The following DISP1 variants were observed in gnomAD, a reference collection of about 807,000 sequenced individuals.
DISP1 encodes protein dispatched homolog 1.
Under a neutral mutation model 37.3 loss-of-function variants are expected in DISP1, and 30 were observed. That is an observed-to-expected ratio of 0.80 (90% CI 0.60 to 1.09). The LOEUF (loss-of-function observed/expected upper bound fraction) is 1.09, where lower values mean the gene tolerates loss of function less well. Ranked by LOEUF, DISP1 falls within the 50% of genes least tolerant of loss-of-function variation. The pLI is 0.00. For synonymous variants in DISP1, 634 were observed against 690.2 expected (o/e 0.92, Z 1.28); for missense variants, 1,598 against 1,879.5 (o/e 0.85, Z 2.77).
At chr1:222,841,786 A>G (rs546081920) in intron 1 of DISP1, among the ~76,000 whole-genome samples, 4 of 152,310 alleles carry the variant, frequency 2.6e-5, no homozygotes, top group African/African-American at 9.6e-5. Flanking sequence ...AAATATTGAT[A>G]TTGGTAAAAT....
At chr1:222,984,214 A>G (rs1310562304) in intron 4 of DISP1, among the ~76,000 whole-genome samples, 1 of 151,854 alleles carries the variant, frequency 6.6e-6, no homozygotes, top group Non-Finnish European at 1.5e-5. Flanking sequence ...AAGACCAGCC[A>G]AGGCAACATG....
At chr1:222,826,952 C>A (rs542056471) in intron 1 of DISP1, among the ~76,000 whole-genome samples, 2 of 152,224 alleles carry the variant, frequency 1.3e-5, no homozygotes, top group South Asian at 4.1e-4. Flanking sequence ...ATAACATTCC[C>A]CCATGTTATT....
intron 1 of DISP1, among the ~76,000 whole-genome samples, chr1:222,920,753 C>G (rs1398642282): frequency 6.6e-6 from 1 of 152,030 alleles, no homozygotes; most frequent in Non-Finnish European, 1.5e-5. Context: ...TACGTCTTCT[C>G]TGAAATTTAA....
intron 4 of DISP1, among the ~76,000 whole-genome samples, chr1:222,984,419 A>T (rs202048392): frequency 0.22 from 22,574 of 100,654 alleles, 2,943 homozygotes; most frequent in South Asian, 0.37. Context: ...AAAAAAAAAA[A>T]AAATATATAT....
chr1:222,852,223 A>G (rs566415105), intron 1 of DISP1, among the ~76,000 whole-genome samples: 1 of 146,722 alleles, frequency 6.8e-6, no homozygotes, highest in Non-Finnish European at 1.5e-5. Context: ...AAAAAATTCC[A>G]AATTGACAGC....
At chr1:222,853,557 C>T (rs1368059844) in intron 1 of DISP1, among the ~76,000 whole-genome samples, 4 of 151,920 alleles carry the variant, frequency 2.6e-5, no homozygotes, top group Admixed American at 6.6e-5. Flanking sequence ...ACTATTTGGC[C>T]GTAAAAAAAC....
At chr1:222,944,977 A>G (rs1229817199) in intron 3 of DISP1, among the ~76,000 whole-genome samples, 1 of 152,038 alleles carries the variant, frequency 6.6e-6, no homozygotes, top group Non-Finnish European at 1.5e-5. Flanking sequence ...CAGGACTTCA[A>G]TGCCAGCCTG....
intron 4 of DISP1, among the ~76,000 whole-genome samples, chr1:222,986,916 G>A (rs1350530295): frequency 6.6e-6 from 1 of 152,140 alleles, no homozygotes; most frequent in Non-Finnish European, 1.5e-5. Flanking sequence ...CAATATTAGA[G>A]AAGGTGGATG....
intron 7 of DISP1, among the ~76,000 whole-genome samples, chr1:222,993,215 C>T (rs1224714777): frequency 2.6e-5 from 4 of 152,092 alleles, no homozygotes; most frequent in Non-Finnish European, 5.9e-5. Flanking sequence ...ATGTTGGCAA[C>T]AAATTCACTA....
intron 2 of DISP1, among the ~76,000 whole-genome samples, chr1:222,936,590 GAGAT>G: frequency 7.0e-5 from 1 of 14,268 alleles, no homozygotes; most frequent in Admixed American, 5.4e-4. Flanking sequence ...ATATATATGA[GAGAT>G]ATATATCTCT....
intron 1 of DISP1, among the ~76,000 whole-genome samples, chr1:222,900,958 A>G (rs1055563046): frequency 6.6e-6 from 1 of 152,192 alleles, no homozygotes; most frequent in South Asian, 2.1e-4. Context: ...GCTGTTGGGA[A>G]TGATCCAACA....
rs1677969031 is a variant in DISP1 at position 222,983,239 on chromosome 1, G to T, written c.539+130G>T. 3.8e-6 allele frequency: 3 copies of T among 787,876 alleles called. No individual in the cohort carries two copies. The South Asian group carries it at 4.5e-5, about 12-fold the overall frequency. The allele number at this position is 787,876 out of a possible 1,614,324, so 48.8% of individuals were successfully genotyped here. A position where few individuals can be genotyped will look rare whatever the true frequency, so the allele number is the denominator to read the frequency against. ...ATATTTTTATGAAAGAAAAAGAAAT[G>T]TCCCATGAGTTGGCTGCTTGAGGAA... On this transcript the variant is annotated intron_variant, in intron 4 of 8. Coordinates refer to ENST00000675850, the MANE Select transcript of DISP1 (RefSeq NM_001377229.1).
chr1:222,980,793 A>G (rs1677776782), intron 3 of DISP1, among the ~76,000 whole-genome samples: 1 of 152,194 alleles, frequency 6.6e-6, no homozygotes, highest in African/African-American at 2.4e-5. Flanking sequence ...TCTTAAAGCA[A>G]CAAGTTCTTG....
chr1:222,852,883 T>C (rs1184429595), intron 1 of DISP1, among the ~76,000 whole-genome samples: 1 of 152,132 alleles, frequency 6.6e-6, no homozygotes, highest in South Asian at 2.1e-4. Context: ...AAAAGTGAAC[T>C]GAGTGCCTGG....
chr1:222,880,032 C>T (rs1010939944), intron 1 of DISP1, among the ~76,000 whole-genome samples: 10 of 151,906 alleles, frequency 6.6e-5, no homozygotes, highest in Non-Finnish European at 8.8e-5. Flanking sequence ...TATTACCATT[C>T]ATGATAATCC....
chr1:222,843,574 A>C (rs184881099), intron 1 of DISP1, among the ~76,000 whole-genome samples: 12 of 151,676 alleles, frequency 7.9e-5, no homozygotes, highest in Admixed American at 6.6e-5. Flanking sequence ...GGGGGGGGGA[A>C]ATTTCTTTTG....
At chr1:223,002,051 G>A (rs906864187) in intron 8 of DISP1, among the ~76,000 whole-genome samples, 2 of 152,074 alleles carry the variant, frequency 1.3e-5, no homozygotes, top group African/African-American at 4.8e-5. Context: ...TTTTAAAGTG[G>A]CTTTGAAAAG....
chr1:222,883,388 G>A (rs1670389567), intron 1 of DISP1, among the ~76,000 whole-genome samples: 1 of 152,176 alleles, frequency 6.6e-6, no homozygotes, highest in African/African-American at 2.4e-5. Context: ...GGGAGGCCGA[G>A]GCAGTCTGAT....
chr1:222,864,949 C>T (rs1669101296), intron 1 of DISP1, among the ~76,000 whole-genome samples: 1 of 151,608 alleles, frequency 6.6e-6, no homozygotes, highest in Admixed American at 6.6e-5. Context: ...TTTCATTCGC[C>T]TGTGCCCTCA....
Sources: gnomAD v4.1 joint callset for allele counts (sites outside exome capture counted in the v4.1 genomes callset) on GRCh38, gnomAD v4.1.1 for gene constraint, MANE v1.5 for transcripts, NCBI Gene and HGNC (gene_info 2026-07-23, HGNC 2026-07-21) for gene names.